Variants in RIC8B observed in about 807,000 individuals in gnomAD.
RIC8B encodes RIC8 guanine nucleotide exchange factor B, also known as chaperone Ric-8B.
In RIC8B, 16 loss-of-function variants were observed where a neutral mutation model predicts 57.5. The observed-to-expected ratio is 0.28, with a 90% confidence interval of 0.19 to 0.42. RIC8B has a LOEUF of 0.42. RIC8B is among the 10% of genes least tolerant of loss of function. The probability of loss-of-function intolerance (pLI) is 1.00; values close to 1 mark genes in which losing one functional copy is unlikely to be tolerated. For synonymous variants in RIC8B, 216 were observed against 250.8 expected, an observed-to-expected ratio of 0.86 and a Z score of 1.31; for missense variants, 481 against 677.0, an observed-to-expected ratio of 0.71 and a Z score of 3.21.
intron 3 of RIC8B, chr12:106,823,470 G>GCCT (rs1410338540): frequency 2.9e-5 from 13 of 455,868 alleles, no homozygotes; most frequent in Middle Eastern, 3.3e-4. Context: ...ATTTTGGTTT[G>GCCT]CAGCTGCAAA....
chr12:106,883,191 C>G (rs1202368831), intron 9 of RIC8B, among the ~76,000 whole-genome samples: 1 of 152,068 alleles, frequency 6.6e-6, no homozygotes, highest in Non-Finnish European at 1.5e-5. Context: ...CTATCCCTAC[C>G]CTTCAGTCCC....
intron 2 of RIC8B, among the ~76,000 whole-genome samples, chr12:106,792,885 G>T (rs1029935187): frequency 2.0e-5 from 3 of 152,218 alleles, no homozygotes; most frequent in Admixed American, 6.5e-5. Context: ...GGCTAAGTGA[G>T]ATAGAACTCT....
intron 8 of RIC8B, among the ~76,000 whole-genome samples, chr12:106,864,509 T>C (rs1950059922): frequency 6.6e-6 from 1 of 152,102 alleles, no homozygotes; most frequent in Non-Finnish European, 1.5e-5. Flanking sequence ...ATTTTATAGA[T>C]GAGAAAACTA....
chr12:106,884,202 T>G (rs572842442), intron 9 of RIC8B, among the ~76,000 whole-genome samples: 1 of 152,360 alleles, frequency 6.6e-6, no homozygotes, highest in Admixed American at 6.5e-5. Flanking sequence ...ATAATTCTCT[T>G]ACAGCATTTA....
chr12:106,871,615 A>G (rs1950436427), intron 9 of RIC8B: 1 of 152,040 alleles, frequency 6.6e-6, no homozygotes, highest in African/African-American at 2.4e-5. Flanking sequence ...TGGAGGAGTT[A>G]TTAGAAAATA....
chr12:106,825,694 C>A, intron 3 of RIC8B, 32 bp from the exon 4 acceptor site: 2 of 1,553,608 alleles, frequency 1.3e-6, no homozygotes, highest in Non-Finnish European at 1.8e-6. Flanking sequence ...CATTCAACCC[C>A]CAATGTTTCC....
intron 2 of RIC8B, 36 bp downstream of exon 2, chr12:106,784,080 T>C: frequency 6.4e-7 from 1 of 1,563,952 alleles, no homozygotes; most frequent in East Asian, 2.2e-5. Context: ...TGTTTATGTG[T>C]GTGTGTATTG....
At chr12:106,803,445 C>G (rs1415713609) in intron 2 of RIC8B, among the ~76,000 whole-genome samples, 1 of 152,092 alleles carries the variant, frequency 6.6e-6, no homozygotes, top group African/African-American at 2.4e-5. Context: ...CAGCTCGTTT[C>G]TAGACTGTAG....
chr12:106,866,170 TTTTG>T (rs146185658), intron 8 of RIC8B, among the ~76,000 whole-genome samples: 4,835 of 152,106 alleles, frequency 0.032, 191 homozygotes, highest in African/African-American at 0.093. Flanking sequence ...GAAGAGGAGT[TTTTG>T]TTTTTTTGTT....
intron 4 of RIC8B, among the ~76,000 whole-genome samples, chr12:106,841,222 G>C (rs965819530): frequency 6.6e-6 from 1 of 152,216 alleles, no homozygotes; most frequent in Admixed American, 6.5e-5. Context: ...CAAATAACTT[G>C]TATTTTACTA....
chr12:106,837,207 C>G (rs903776592), intron 4 of RIC8B, among the ~76,000 whole-genome samples: 1 of 152,092 alleles, frequency 6.6e-6, no homozygotes, highest in Non-Finnish European at 1.5e-5. Flanking sequence ...ACTAAAAATA[C>G]AAAAATTAGC....
chr12:106,871,238 T>G (rs1950389838), intron 9 of RIC8B: 1 of 214,156 alleles, frequency 4.7e-6, no homozygotes, highest in South Asian at 1.8e-4. Context: ...GTGAGTTAGA[T>G]TCAGTGATTT....
At chr12:106,848,379 C>T (rs1223150359) in intron 6 of RIC8B, among the ~76,000 whole-genome samples, 1 of 152,144 alleles carries the variant, frequency 6.6e-6, no homozygotes, top group African/African-American at 2.4e-5. Context: ...TTGCCTTTTA[C>T]TGTGAGATGA....
At chr12:106,797,660 T>C (rs1174085063) in intron 2 of RIC8B, among the ~76,000 whole-genome samples, 3 of 152,228 alleles carry the variant, frequency 2.0e-5, no homozygotes, top group Non-Finnish European at 4.4e-5. Context: ...GTGAATTATA[T>C]CTCAAGCTAT....
intron 1 of RIC8B, 179 bp downstream of exon 1, chr12:106,775,008 A>G (rs1032231985): frequency 1.7e-6 from 1 of 590,338 alleles, no homozygotes; most frequent in East Asian, 2.9e-5. Context: ...TGCATCCTGC[A>G]TCCCACTACC....
intron 1 of RIC8B, among the ~76,000 whole-genome samples, chr12:106,779,905 T>C (rs893435679): frequency 5.1e-5 from 6 of 117,532 alleles, no homozygotes; most frequent in Non-Finnish European, 1.6e-5. Flanking sequence ...TGTGTGTGTG[T>C]GTAGAGTTGG....
In RIC8B at chr12:106,779,074, C is replaced by T. The variant is rs181626169; in HGVS notation, c.84+4245C>T. 5.9e-4 allele frequency among the ~76,000 whole-genome samples: 89 copies of T among 151,974 alleles called. 1 individual carries two copies. The highest frequency in any genetic ancestry group is 1.4e-3 in the African/African-American group (60 of 41,422). ...GATTACAGGCATGCATCACCATGCG[C>T]GGCTAATTTTGTATCTTTAGTAGAG... On this transcript the variant is annotated intron_variant, in intron 1 of 9. Coordinates refer to ENST00000392837, the MANE Select transcript of RIC8B (RefSeq NM_001330145.2).
At chr12:106,828,829 A>G (rs924305150) in intron 4 of RIC8B, among the ~76,000 whole-genome samples, 1 of 152,166 alleles carries the variant, frequency 6.6e-6, no homozygotes, top group African/African-American at 2.4e-5. Flanking sequence ...CTGTTTAGGA[A>G]CTTATGCCTA....
chr12:106,840,871 A>G (rs963887200), intron 4 of RIC8B, among the ~76,000 whole-genome samples: 1 of 152,190 alleles, frequency 6.6e-6, no homozygotes, highest in African/African-American at 2.4e-5. Flanking sequence ...AGTGTATTTA[A>G]GAGCCTATTG....
Sources: gnomAD v4.1 joint callset for allele counts (sites outside exome capture counted in the v4.1 genomes callset) on GRCh38, gnomAD v4.1.1 for gene constraint, MANE v1.5 for transcripts, NCBI Gene and HGNC (gene_info 2026-07-23, HGNC 2026-07-21) for gene names.